SPOPL: variants seen among roughly 807,000 people sequenced by gnomAD.
SPOPL encodes speckle-type POZ protein-like.
In SPOPL, 23 loss-of-function variants were observed where a neutral mutation model predicts 53.8. The observed-to-expected ratio is 0.43, with a 90% CI of 0.31 to 0.61. The LOEUF (loss-of-function observed/expected upper bound fraction) is 0.61. Among genes scored for constraint, SPOPL ranks in the 20% least tolerant of loss-of-function variants. SPOPL has a pLI of 0.12. For missense variants in SPOPL, 442 were observed against 466.9 expected (o/e 0.95, Z 0.49); for synonymous variants, 164 against 149.7 (o/e 1.10, Z -0.70).
At chr2:138,532,987 A>G (rs1013274714) in intron 1 of SPOPL, among the ~76,000 whole-genome samples, 2 of 152,126 alleles carry the variant, frequency 1.3e-5, no homozygotes, top group African/African-American at 2.4e-5. Flanking sequence ...TATATACATT[A>G]ATTGTTTTGA....
At chr2:138,522,415 AACT>A (rs1684579020) in intron 1 of SPOPL, among the ~76,000 whole-genome samples, 1 of 152,150 alleles carries the variant, frequency 6.6e-6, no homozygotes, top group African/African-American at 2.4e-5. Flanking sequence ...CAGGTAAGTA[AACT>A]ATAAGGTAAA....
chr2:138,538,089 T>C (rs1684976562), intron 1 of SPOPL, among the ~76,000 whole-genome samples: 1 of 152,194 alleles, frequency 6.6e-6, no homozygotes, highest in Non-Finnish European at 1.5e-5. Flanking sequence ...CTTTGTATAA[T>C]TTAAATTTTT....
At position 138,559,333 on chromosome 2, in the gene SPOPL, A is replaced by C; in HGVS notation, c.710A>C (p.Lys237Thr). 1 of 1,611,422 alleles carries C rather than the reference A, an allele frequency of 6.2e-7. No individual in the cohort carries two copies. Among genetic ancestry groups the C allele is most frequent in the Non-Finnish European group, 8.5e-7 (1 of 1,178,884 alleles). The change falls in exon 7 of 11, where the codon AAA becomes ACA. Residue 237 changes from lysine to threonine, a missense_variant. By Grantham distance (78) the Lys-to-Thr change is moderately conservative. Transcript: ENST00000280098. ...TTTGAACATGAAATGGAAGAAAGCAAAAAGGTAAACATGGCTTAAAGGCTA... is the reference window on the plus strand; with the variant it reads ...TTTGAACATGAAATGGAAGAAAGCACAAAGGTAAACATGGCTTAAAGGCTA... ...AMFEHEMEES[K>T]KNRVEINDLD... is the part of the protein sequence containing the mutation.
At chr2:138,539,472 G>C (rs978235481) in intron 1 of SPOPL, among the ~76,000 whole-genome samples, 2 of 151,916 alleles carry the variant, frequency 1.3e-5, no homozygotes, top group African/African-American at 4.8e-5. Context: ...TCTCATTGTG[G>C]TTTTGATTTG....
chr2:138,554,206 T>C (rs1024780253), intron 5 of SPOPL, among the ~76,000 whole-genome samples: 2 of 151,710 alleles, frequency 1.3e-5, no homozygotes, highest in Admixed American at 1.3e-4. Context: ...TTGGTATCCA[T>C]ATGCTACATG....
chr2:138,567,024 T>C (rs923800744), intron 10 of SPOPL, among the ~76,000 whole-genome samples: 1 of 152,226 alleles, frequency 6.6e-6, no homozygotes, highest in African/African-American at 2.4e-5. Context: ...ATCATTCATT[T>C]GACAGATACT....
intron 1 of SPOPL, among the ~76,000 whole-genome samples, chr2:138,526,176 A>T (rs1207438559): frequency 6.6e-6 from 1 of 152,182 alleles, no homozygotes; most frequent in Non-Finnish European, 1.5e-5. Flanking sequence ...GAAATAGATG[A>T]TTATATGAAT....
Position 138,565,005 on chromosome 2 carries a change from T to G in SPOPL, c.1034+12T>G, listed in dbSNP as rs774023332. Reference sequence around the variant, plus strand: ...AACTGGAACAGCAAGTAAGATGACATCAGTTTCTGACTCAAAGTTGCTCTA... The same window carrying G: ...AACTGGAACAGCAAGTAAGATGACAGCAGTTTCTGACTCAAAGTTGCTCTA... On this transcript the variant is annotated intron_variant, in intron 10 of 10. Coordinates refer to ENST00000280098, the MANE Select transcript of SPOPL (RefSeq NM_001001664.3). The G allele has an allele frequency of 6.2e-7, 1 of 1,613,752 alleles. No homozygotes were observed. The highest frequency in any genetic ancestry group is 1.1e-5 in the South Asian group (1 of 91,058).
intron 1 of SPOPL, among the ~76,000 whole-genome samples, chr2:138,508,846 T>C (rs1684268611): frequency 6.6e-6 from 1 of 152,206 alleles, no homozygotes; most frequent in Non-Finnish European, 1.5e-5. Context: ...TTTTAAGTTT[T>C]GTTATGTCTT....
intron 8 of SPOPL, among the ~76,000 whole-genome samples, chr2:138,563,376 G>A (rs1685593688): frequency 6.6e-6 from 1 of 152,102 alleles, no homozygotes; most frequent in Non-Finnish European, 1.5e-5. Flanking sequence ...CAGCTACTCA[G>A]GAGGCTGAGA....
intron 1 of SPOPL, among the ~76,000 whole-genome samples, chr2:138,539,841 C>T (rs528965979): frequency 2.2e-4 from 33 of 152,178 alleles, no homozygotes; most frequent in East Asian, 5.8e-4. Context: ...ATGTCCTGAA[C>T]GGTATTGCCT....
intron 1 of SPOPL, among the ~76,000 whole-genome samples, chr2:138,544,018 G>C (rs912736625): frequency 5.9e-5 from 9 of 152,256 alleles, no homozygotes; most frequent in Non-Finnish European, 1.3e-4. Flanking sequence ...TGTTTGCCTG[G>C]GTATCAGCAG....
At chr2:138,513,340 C>T (rs947516473) in intron 1 of SPOPL, among the ~76,000 whole-genome samples, 12 of 152,048 alleles carry the variant, frequency 7.9e-5, no homozygotes, top group African/African-American at 9.7e-5. Context: ...GATCACCTGA[C>T]GTAAGGAATT....
chr2:138,565,000 T>C lies in SPOPL; in HGVS notation c.1034+7T>C. On this transcript the variant is annotated splice_region_variant and intron_variant, in intron 10 of 10. Transcript: ENST00000280098. ...GGAAAAACTGGAACAGCAAGTAAGA[T>C]GACATCAGTTTCTGACTCAAAGTTG... 6.2e-7 allele frequency: 1 copy of C among 1,613,884 alleles called. No individual in the cohort carries two copies. Among genetic ancestry groups the C allele is most frequent in the Non-Finnish European group, 8.5e-7 (1 of 1,179,982 alleles).
Position 138,519,370 on chromosome 2 carries a change from AATC to A in SPOPL, c.-61+17254_-61+17256del, listed in dbSNP as rs1018354277. Among the ~76,000 whole-genome samples, 4 of 152,298 alleles carry A rather than the reference AATC, an allele frequency of 2.6e-5. No individual in the cohort carries two copies. The East Asian group carries it at 7.7e-4, about 29-fold the overall frequency. ...TTAGCATATTTGATGAATTGGAAAA[AATC>A]ATAGTGTTTTCACTTAAAAATTCTG... On this transcript the variant is annotated intron_variant, in intron 1 of 10. Coordinates refer to ENST00000280098, the MANE Select transcript of SPOPL (RefSeq NM_001001664.3).
chr2:138,542,724 A>C, intron 1 of SPOPL, among the ~76,000 whole-genome samples: 1 of 152,178 alleles, frequency 6.6e-6, no homozygotes, highest in Non-Finnish European at 1.5e-5. Context: ...TGGAGCATTT[A>C]GCCCATTTAC....
intron 1 of SPOPL, among the ~76,000 whole-genome samples, chr2:138,525,057 TAATC>T (rs1480902412): frequency 6.6e-6 from 1 of 152,188 alleles, no homozygotes; most frequent in Non-Finnish European, 1.5e-5. Context: ...TTTACTATAT[TAATC>T]CGTTTTCATG....
intron 1 of SPOPL, among the ~76,000 whole-genome samples, chr2:138,510,029 C>T (rs530883260): frequency 6.6e-5 from 10 of 152,220 alleles, no homozygotes; most frequent in African/African-American, 2.4e-4. Context: ...TTTTAAGTTT[C>T]CTCTATGTCT....
Position 138,507,220 on chromosome 2 carries a change from A to G in SPOPL, c.-61+5101A>G, listed in dbSNP as rs368143434. ...TAAATTAAAATAAAATATTAAATCT[A>G]TAATATGAACCATATCTGTCTTCCT... On this transcript the variant is annotated intron_variant, in intron 1 of 10. Transcript: ENST00000280098. Among the ~76,000 whole-genome samples the G allele has an allele frequency of 2.0e-4, 30 of 152,320 alleles. No homozygotes were observed. In the East Asian group the frequency reaches 3.3e-3, roughly 17 times the overall value.
Sources: allele counts gnomAD v4.1 joint callset (sites outside exome capture counted in the v4.1 genomes callset), GRCh38; gene constraint gnomAD v4.1.1; transcripts MANE v1.5; gene names NCBI Gene and HGNC (gene_info 2026-07-23, HGNC 2026-07-21).